The following PACSIN2 variants were observed in gnomAD, a reference collection of about 807,000 sequenced individuals.
The protein encoded by PACSIN2 is protein kinase C and casein kinase substrate in neurons protein 2.
A neutral mutation model predicts 63.8 loss-of-function variants in PACSIN2; 25 were observed. The ratio of observed to expected loss-of-function variants is 0.39; its 90% CI spans 0.29 to 0.55. The LOEUF is 0.55. Among genes scored for constraint, PACSIN2 ranks in the 20% least tolerant of loss-of-function variants. The pLI, the probability that PACSIN2 is intolerant of heterozygous loss-of-function variation, is 0.62. For missense variants in PACSIN2, 518 were observed against 646.9 expected (o/e 0.80, Z 2.16); for synonymous variants, 255 against 256.2 (o/e 1.00, Z 0.05).
chr22:43,012,517 G>C (rs1924569512), intron 1 of PACSIN2, among the ~76,000 whole-genome samples: 1 of 152,042 alleles, frequency 6.6e-6, no homozygotes, highest in Non-Finnish European at 1.5e-5. Flanking sequence ...GTCTCACTCT[G>C]TCACCCAGGC....
chr22:43,000,893 G>A (rs569617155), intron 1 of PACSIN2, among the ~76,000 whole-genome samples: 3 of 152,332 alleles, frequency 2.0e-5, no homozygotes, highest in African/African-American at 7.2e-5. Flanking sequence ...AGGTGGTCAG[G>A]AGTACCCCTC....
intron 1 of PACSIN2, among the ~76,000 whole-genome samples, chr22:42,946,215 T>A (rs140022995): frequency 6.6e-6 from 1 of 152,384 alleles, no homozygotes; most frequent in African/African-American, 2.4e-5. Context: ...TTAAACTGCA[T>A]GTGAGCATAA....
chr22:42,904,877 C>T (rs1930961497), intron 2 of PACSIN2, among the ~76,000 whole-genome samples: 1 of 152,234 alleles, frequency 6.6e-6, no homozygotes, highest in Admixed American at 6.5e-5. Context: ...CTCCGCCCCC[C>T]TGCACTGTGC....
intron 1 of PACSIN2, among the ~76,000 whole-genome samples, chr22:42,923,250 T>G (rs112285082): frequency 6.4e-4 from 98 of 152,258 alleles, no homozygotes; most frequent in African/African-American, 2.2e-3. Flanking sequence ...CATGATATAT[T>G]TAACAATCCG....
intron 1 of PACSIN2, among the ~76,000 whole-genome samples, chr22:42,968,023 T>C (rs1428996698): frequency 6.6e-6 from 1 of 152,238 alleles, no homozygotes; most frequent in African/African-American, 2.4e-5. Context: ...ATGATAACCT[T>C]GCAAGGTGGG....
intron 1 of PACSIN2, among the ~76,000 whole-genome samples, chr22:42,998,768 G>T (rs1923573846): frequency 6.6e-6 from 1 of 152,118 alleles, no homozygotes; most frequent in Non-Finnish European, 1.5e-5. Context: ...CCCAAATGTT[G>T]CCTTTCAGCC....
At chr22:42,985,923 TTACAGGGCCAC>T (rs1922579939) in intron 1 of PACSIN2, among the ~76,000 whole-genome samples, 1 of 133,384 alleles carries the variant, frequency 7.5e-6, no homozygotes. Context: ...CTGATGTCCA[TTACAGGGCCAC>T]TATAGAGCCA....
chr22:42,949,692 ACACT>A (rs1336068520), intron 1 of PACSIN2, among the ~76,000 whole-genome samples: 1 of 150,076 alleles, frequency 6.7e-6, no homozygotes, highest in Non-Finnish European at 1.5e-5. Flanking sequence ...TCACACACAC[ACACT>A]CACACACACT....
chr22:42,962,876 C>G (rs1254260596), intron 1 of PACSIN2, among the ~76,000 whole-genome samples: 1 of 151,436 alleles, frequency 6.6e-6, no homozygotes, highest in Non-Finnish European at 1.5e-5. Flanking sequence ...CTAAAGACAC[C>G]CTCTCCCTGC....
intron 1 of PACSIN2, among the ~76,000 whole-genome samples, chr22:43,000,817 T>C (rs1014847570): frequency 1.3e-5 from 2 of 152,238 alleles, no homozygotes; most frequent in East Asian, 1.9e-4. Context: ...TCAGTCTTCA[T>C]AAAAGGAGAC....
At chr22:42,949,665 T>TAC (rs546050781) in intron 1 of PACSIN2, among the ~76,000 whole-genome samples, 1 of 150,544 alleles carries the variant, frequency 6.6e-6, no homozygotes. Context: ...ATACCCCCAC[T>TAC]ACACACACAC....
chr22:42,907,297 G>A lies in PACSIN2; in HGVS notation c.60+4724C>T, dbSNP rs949333959. On this transcript the variant is annotated intron_variant, in intron 2 of 10. Coordinates refer to ENST00000263246, the MANE Select transcript of PACSIN2 (RefSeq NM_001184970.3). ...AACTGAAGCTTCCCAGCAGGGCAGG[G>A]AGCCATCCAATCTGCTTTTCTAGAT... is the stretch of plus-strand genomic sequence containing the variant. Among the ~76,000 whole-genome samples the A allele has an allele frequency of 2.0e-4, 31 of 152,330 alleles. 1 individual carries two copies. Among genetic ancestry groups the A allele is most frequent in the African/African-American group, 7.5e-4 (31 of 41,570 alleles).
At chr22:43,003,791 T>C (rs898428816) in intron 1 of PACSIN2, among the ~76,000 whole-genome samples, 2 of 152,192 alleles carry the variant, frequency 1.3e-5, no homozygotes, top group Non-Finnish European at 2.9e-5. Context: ...TTAAAATGCA[T>C]CTGCCGAAGA....
chr22:42,923,242 T>C (rs1226559698), intron 1 of PACSIN2, among the ~76,000 whole-genome samples: 1 of 152,142 alleles, frequency 6.6e-6, no homozygotes, highest in Non-Finnish European at 1.5e-5. Flanking sequence ...TCTCAATGCA[T>C]GATATATTTA....
intron 1 of PACSIN2, among the ~76,000 whole-genome samples, chr22:43,004,937 A>C (rs1047389940): frequency 6.6e-6 from 1 of 152,238 alleles, no homozygotes; most frequent in Non-Finnish European, 1.5e-5. Flanking sequence ...CAAATCAACA[A>C]GGCTGTCCTG....
chr22:42,972,731 A>T (rs534380124), intron 1 of PACSIN2, among the ~76,000 whole-genome samples: 20 of 152,176 alleles, frequency 1.3e-4, no homozygotes, highest in Non-Finnish European at 1.9e-4. Context: ...CTCTAAGAAA[A>T]GTCAGCCATG....
rs552314119 is a variant in PACSIN2 at position 42,929,139 on chromosome 22, G to A, written c.-77-16982C>T. On this transcript the variant is annotated intron_variant, in intron 1 of 10. Transcript: ENST00000263246. ...GATCCAGGCCTGACGGCCGCCCTGTGCAACTATACTCACCAGGACCCCAAT... is the reference window on the plus strand; with the variant it reads ...GATCCAGGCCTGACGGCCGCCCTGTACAACTATACTCACCAGGACCCCAAT... Among the ~76,000 whole-genome samples, 9 of 152,346 alleles carry A rather than the reference G, an allele frequency of 5.9e-5. No homozygotes were observed. In the South Asian group the frequency reaches 1.2e-3, roughly 21 times the overall value.
intron 1 of PACSIN2, among the ~76,000 whole-genome samples, chr22:42,977,281 A>G (rs1921770642): frequency 6.6e-6 from 1 of 152,208 alleles, no homozygotes; most frequent in East Asian, 1.9e-4. Context: ...CACATTTGCA[A>G]TGCACACAAC....
At chr22:42,948,708 A>G (rs1425035892) in intron 1 of PACSIN2, among the ~76,000 whole-genome samples, 1 of 152,212 alleles carries the variant, frequency 6.6e-6, no homozygotes, top group Non-Finnish European at 1.5e-5. Flanking sequence ...TTTTCTGGGC[A>G]TCTATGCACT....
Sources: gnomAD v4.1 joint callset for allele counts (sites outside exome capture counted in the v4.1 genomes callset) on GRCh38, gnomAD v4.1.1 for gene constraint, MANE v1.5 for transcripts, NCBI Gene and HGNC (gene_info 2026-07-23, HGNC 2026-07-21) for gene names.